Variants in SAMD14 observed in about 807,000 individuals in gnomAD.
The protein encoded by SAMD14 is sterile alpha motif domain containing 14, also known as sterile alpha motif domain-containing protein 14.
SAMD14 carries 27 observed loss-of-function variants against 46.2 expected under a neutral mutation model. The ratio of observed to expected loss-of-function variants is 0.58; its 90% CI spans 0.43 to 0.81. SAMD14 has a LOEUF of 0.81. SAMD14 is among the 30% of genes least tolerant of loss of function. The pLI is 0.00. For synonymous variants in SAMD14, 241 were observed against 254.3 expected (o/e 0.95, Z 0.50); for missense variants, 559 against 582.2 (o/e 0.96, Z 0.41).
Position 50,129,167 on chromosome 17 carries a change from C to A in SAMD14, c.-13+350G>T, listed in dbSNP as rs1049909740. 1.3e-5 allele frequency among the ~76,000 whole-genome samples: 2 copies of A among 152,246 alleles called. No homozygotes were observed. Among genetic ancestry groups the A allele is most frequent in the East Asian group, 3.9e-4 (2 of 5,182 alleles). On this transcript the variant is annotated intron_variant, in intron 1 of 9. Transcript: ENST00000330175. This position sits in a 1 kb window ranked among gnomAD's most constrained non-coding sequence, Gnocchi z 5.6. ...GGTTGGGGACAGGGCACCTACTCCA[C>A]TCTCAGAGCCCTTCTCCCCAGTCAG...
Position 50,115,618 on chromosome 17 carries a change from G to T in SAMD14, c.768C>A (p.Ser256=). Residue 256 remains serine, a synonymous_variant, in exon 7 of 10, where the codon TCC becomes TCA. Coordinates refer to ENST00000330175, the MANE Select transcript of SAMD14 (RefSeq NM_001257359.2). This position sits in a 1 kb window ranked among gnomAD's most constrained non-coding sequence, Gnocchi z 5.3. ...KGSASSGSTT[S]PTCSPKHEGF... ...CCTCGTGTTTAGGGGAGCAGGTGGGGGAGGTGGTGCTACCCGAGGATGCTG... is the reference window on the plus strand; with the variant it reads ...CCTCGTGTTTAGGGGAGCAGGTGGGTGAGGTGGTGCTACCCGAGGATGCTG... The T allele has an allele frequency of 1.2e-6, 2 of 1,600,980 alleles. No individual in the cohort carries two copies. The highest frequency in any genetic ancestry group is 1.7e-6 in the Non-Finnish European group (2 of 1,171,948).
At position 50,115,868 on chromosome 17, in the gene SAMD14, C is replaced by A; in HGVS notation, c.624G>T (p.Arg208=). 6.2e-7 allele frequency: 1 copy of A among 1,613,292 alleles called. No homozygotes were observed. Among genetic ancestry groups the A allele is most frequent in the South Asian group, 1.1e-5 (1 of 91,062 alleles). ...ACAGTCGGTTGCTGCCTTTCTCCTT[C>A]CGGCTCTTGCCCGTGGATGCTCGGC... The part of the protein sequence containing the change: ...TLRRASTGKS[R]KEKGSNRLSM... Residue 208 remains arginine, a synonymous_variant, in exon 6 of 10, where the codon CGG becomes CGT. Transcript: ENST00000330175. The surrounding 1 kb of genome is among the most constrained non-coding windows in gnomAD (Gnocchi z 5.3).
Position 50,110,211 on chromosome 17 carries a change from A to G in SAMD14, c.*2682T>C. On this transcript the variant is annotated 3_prime_UTR_variant, in exon 10 of 10. Coordinates refer to ENST00000330175, the MANE Select transcript of SAMD14 (RefSeq NM_001257359.2). ...AGGGGGTGGGTTCTCCCTGATGACC[A>G]GGTTCTGTCTCTATGGAAGTCACTG... is the stretch of plus-strand genomic sequence containing the variant. The G allele has an allele frequency of 8.4e-7, 1 of 1,188,240 alleles. No homozygotes were observed. The highest frequency in any genetic ancestry group is 1.2e-6 in the Non-Finnish European group (1 of 866,910). 73.6% of individuals were successfully genotyped at this position (1,188,240 alleles called of 1,614,324 possible).
chr17:50,110,157 G>T lies in SAMD14; in HGVS notation c.*2736C>A. The T allele has an allele frequency of 6.7e-7, 1 of 1,500,582 alleles. No homozygotes were observed. The highest frequency in any genetic ancestry group is 8.9e-7 in the Non-Finnish European group (1 of 1,117,380). The allele number at this position is 1,500,582 out of a possible 1,614,324, so 93.0% of individuals were successfully genotyped here. On this transcript the variant is annotated 3_prime_UTR_variant, in exon 10 of 10. Transcript: ENST00000330175. Reference sequence around the variant, plus strand: ...TGCCGCCTCTGGGTCCCCCCACCGTGGTGCCCCTCACCATCCTCCTGGGGG... The same window carrying T: ...TGCCGCCTCTGGGTCCCCCCACCGTTGTGCCCCTCACCATCCTCCTGGGGG...
chr17:50,117,595 C>T lies in SAMD14; in HGVS notation c.311G>A (p.Gly104Glu). ...GTCCTCGTCCAGGCTGCGCCGCAACCCCGGAGGATCCAGGCAGAAAGAGCC... is the reference window on the plus strand; with the variant it reads ...GTCCTCGTCCAGGCTGCGCCGCAACTCCGGAGGATCCAGGCAGAAAGAGCC... The part of the protein sequence containing the change: ...AGGSFCLDPP[G>E]LRRSLDEDEP... The change falls in exon 4 of 10, where the codon GGG (glycine) becomes GAG (glutamate). Residue 104 changes from glycine to glutamate, a missense_variant. By Grantham distance (98) the Gly-to-Glu change is moderately conservative. Transcript: ENST00000330175. 6.4e-7 allele frequency: 1 copy of T among 1,555,224 alleles called. No homozygotes were observed. Among genetic ancestry groups the T allele is most frequent in the Non-Finnish European group, 8.6e-7 (1 of 1,160,482 alleles).
At position 50,124,928 on chromosome 17, in the gene SAMD14, T is replaced by C; in HGVS notation, c.32A>G (p.Asp11Gly). 1 of 1,613,748 alleles carries C rather than the reference T, an allele frequency of 6.2e-7. No individual in the cohort carries two copies. The highest frequency in any genetic ancestry group is 8.5e-7 in the Non-Finnish European group (1 of 1,179,928). Residue 11 changes from aspartate to glycine, a missense_variant, in exon 2 of 10, where the codon GAT becomes GGT. Physicochemically the swap from Asp to Gly is moderately conservative, Grantham distance 94 (BLOSUM62 -1). Coordinates refer to ENST00000330175, the MANE Select transcript of SAMD14 (RefSeq NM_001257359.2). Reference protein sequence around the residue: MASSKLREPVDEVFDLDLAVP... With the variant: MASSKLREPVGEVFDLDLAVP... ...CACACAGAACTTACCAAAAACTTCA[T>C]CCACGGGTTCTCGGAGCTTTGAAGA...
chr17:50,115,502 G>A lies in SAMD14; in HGVS notation c.822+62C>T, dbSNP rs1394211536. 2.3e-5 allele frequency: 34 copies of A among 1,487,928 alleles called. No homozygotes were observed. Among genetic ancestry groups the A allele is most frequent in the Non-Finnish European group, 3.0e-5 (33 of 1,110,248 alleles). 92.2% of individuals were successfully genotyped at this position (1,487,928 alleles called of 1,614,324 possible). On this transcript the variant is annotated intron_variant, in intron 7 of 9. Transcript: ENST00000330175. This position sits in a 1 kb window ranked among gnomAD's most constrained non-coding sequence, Gnocchi z 5.3. ...GAATCCCAGCCTGAGCCAAGGTGAAGTACGCCCTCATGTCACCTGAGACTG... is the reference window on the plus strand; with the variant it reads ...GAATCCCAGCCTGAGCCAAGGTGAAATACGCCCTCATGTCACCTGAGACTG...
At chr17:50,121,019 C>T (rs1911475413) in intron 2 of SAMD14, among the ~76,000 whole-genome samples, 1 of 152,220 alleles carries the variant, frequency 6.6e-6, no homozygotes, top group African/African-American at 2.4e-5. Context: ...GCTTTGTTCA[C>T]TGCTCTACCA....
At chr17:50,121,019 CT>C (rs1386264698) in intron 2 of SAMD14, among the ~76,000 whole-genome samples, 3 of 152,220 alleles carry the variant, frequency 2.0e-5, no homozygotes, top group Non-Finnish European at 4.4e-5. Flanking sequence ...GCTTTGTTCA[CT>C]GCTCTACCAC....
At chr17:50,114,992 A>C (rs1444938244) in intron 7 of SAMD14, 1 of 154,738 alleles carries the variant, frequency 6.5e-6, no homozygotes, top group Non-Finnish European at 1.4e-5. Flanking sequence ...TGTACAATGG[A>C]GATGAGCATG....
intron 2 of SAMD14, among the ~76,000 whole-genome samples, chr17:50,121,369 G>A (rs1598230668): frequency 6.6e-6 from 1 of 151,678 alleles, no homozygotes; most frequent in African/African-American, 2.4e-5. Flanking sequence ...CCAGGCTAGA[G>A]TGCAGTGGCA....
rs201749689 is a variant in SAMD14, at chr17:50,118,374, C to T, written c.44-47G>A. On this transcript the variant is annotated intron_variant, in intron 2 of 9. Transcript: ENST00000330175. ...CAGAGACCAGACACATGAGAGGTGACGGCAAGCCCAGAGGCCCACCTCAGG... is the reference window on the plus strand; with the variant it reads ...CAGAGACCAGACACATGAGAGGTGATGGCAAGCCCAGAGGCCCACCTCAGG... 1,025 of 1,597,906 alleles carry T rather than the reference C, an allele frequency of 6.4e-4. 1 individual carries two copies. In the East Asian group the frequency reaches 6.9e-3, roughly 11 times the overall value.
At chr17:50,119,496 G>T (rs1363774226) in intron 2 of SAMD14, among the ~76,000 whole-genome samples, 1 of 152,006 alleles carries the variant, frequency 6.6e-6, no homozygotes, top group African/African-American at 2.4e-5. Context: ...CACCCCAGTT[G>T]CTCTCCTGGC....
Position 50,120,089 on chromosome 17 carries a change from A to G in SAMD14, c.44-1762T>C, listed in dbSNP as rs559117597. Among the ~76,000 whole-genome samples, 5 of 152,290 alleles carry G rather than the reference A, an allele frequency of 3.3e-5. No homozygotes were observed. In the East Asian group the frequency reaches 9.6e-4, roughly 29 times the overall value. ...TAGGTTCCACATAATCCAGGGCAAT[A>G]GGGGGAGGGCGTGGATGGGATAGAT... is the stretch of plus-strand genomic sequence containing the variant. On this transcript the variant is annotated intron_variant, in intron 2 of 9. Transcript: ENST00000330175.
At position 50,117,490 on chromosome 17, in the gene SAMD14, C is replaced by A; in HGVS notation, c.416G>T (p.Cys139Phe). 1 of 1,443,038 alleles carries A rather than the reference C, an allele frequency of 6.9e-7. No individual in the cohort carries two copies. The highest frequency in any genetic ancestry group is 9.0e-7 in the Non-Finnish European group (1 of 1,107,418). The allele number at this position is 1,443,038 out of a possible 1,614,324, so 89.4% of individuals were successfully genotyped here. ...GGAGGGCGCGGAGCGCGGCGGAGAG[C>A]AGGAGGCGGCGGCCAGGCCCTCGTG... is the stretch of plus-strand genomic sequence containing the variant. Reference protein sequence around the residue: ...ASHEGLAAASCSPPRSAPSSD... With the variant: ...ASHEGLAAASFSPPRSAPSSD... The change falls in exon 4 of 10, where the codon TGC (cysteine) becomes TTC (phenylalanine). Residue 139 changes from cysteine (C) to phenylalanine (F), a missense_variant. Cys to Phe is a radical substitution (Grantham distance 205, BLOSUM62 -2). Coordinates refer to ENST00000330175, the MANE Select transcript of SAMD14 (RefSeq NM_001257359.2).
intron 2 of SAMD14, 25 bp from the exon 3 acceptor site, chr17:50,118,352 A>T: frequency 6.2e-7 from 1 of 1,607,354 alleles, no homozygotes; most frequent in Non-Finnish European, 8.5e-7. Context: ...AGGGGAGCAG[A>T]GACCAGACAC....
intron 9 of SAMD14, 23 bp from the exon 10 acceptor site, chr17:50,113,071 GGA>G (rs1910952402): frequency 1.2e-6 from 2 of 1,608,540 alleles, no homozygotes; most frequent in East Asian, 2.2e-5. Flanking sequence ...CCGGGGTGAG[GGA>G]GAGAGTCCCA....
intron 2 of SAMD14, among the ~76,000 whole-genome samples, chr17:50,119,414 G>A (rs551840521): frequency 5.0e-4 from 76 of 152,172 alleles, no homozygotes; most frequent in Middle Eastern, 3.4e-3. Flanking sequence ...ATGATCTCAG[G>A]GGCCCTATTC....
chr17:50,117,978 A>C, intron 3 of SAMD14, 183 bp downstream of exon 3: 1 of 728,688 alleles, frequency 1.4e-6, no homozygotes, highest in South Asian at 2.3e-5. Flanking sequence ...GGGGCTAATA[A>C]TATCTTCTTT....
Sources: allele counts gnomAD v4.1 joint callset (sites outside exome capture counted in the v4.1 genomes callset), GRCh38; gene constraint gnomAD v4.1.1; non-coding constraint Gnocchi (gnomAD v3.1); transcripts MANE v1.5; gene names NCBI Gene and HGNC (gene_info 2026-07-23, HGNC 2026-07-21).